Variants in OR2G3 observed in about 807,000 individuals in gnomAD.
The protein encoded by OR2G3 is olfactory receptor 2G3.
For synonymous variants in OR2G3, 154 were observed against 144.5 expected (o/e 1.07, Z -0.47); for missense variants, 375 against 364.4 (o/e 1.03, Z -0.24).
At position 247,605,974 on chromosome 1, in the gene OR2G3, T is replaced by C; in HGVS notation, c.389T>C (p.Leu130Pro). ...LDRYIAVCKP[L>P]HYVVIMNPRL... Reference sequence around the variant, plus strand: ...CGGTACATTGCTGTCTGCAAACCCCTCCACTATGTAGTCATCATGAACCCA... The same window carrying C: ...CGGTACATTGCTGTCTGCAAACCCCCCCACTATGTAGTCATCATGAACCCA... Residue 130 changes from leucine (L) to proline (P), a missense_variant, in exon 1 of 1, where the codon CTC (leucine) becomes CCC (proline). By Grantham distance (98) the Leu-to-Pro change is moderately conservative. Transcript: ENST00000320002. The C allele has an allele frequency of 6.2e-7, 1 of 1,614,150 alleles. No individual in the cohort carries two copies. The highest frequency in any genetic ancestry group is 8.5e-7 in the Non-Finnish European group (1 of 1,180,036).
chr1:247,605,903 A>T lies in OR2G3; in HGVS notation c.318A>T (p.Ala106=), dbSNP rs958748562. Residue 106 remains alanine (A), a synonymous_variant, in exon 1 of 1, where the codon GCA becomes GCT. Transcript: ENST00000320002. ...TGGCGCAACTCTATATTTCTCTGGC[A>T]CTGGGCTCCACTGAATGTATCCTCT... ...GCVAQLYISL[A]LGSTECILLA... 6 of 1,614,160 alleles carry T rather than the reference A, an allele frequency of 3.7e-6. No homozygotes were observed. In the Admixed American group the frequency reaches 1.0e-4, roughly 27 times the overall value.
rs776891159 is a variant in OR2G3 at position 247,605,953 on chromosome 1, A to G, written c.368A>G (p.Tyr123Cys). ...TTGGCTGACATGGCCTTGGATCGGTACATTGCTGTCTGCAAACCCCTCCAC... is the reference window on the plus strand; with the variant it reads ...TTGGCTGACATGGCCTTGGATCGGTGCATTGCTGTCTGCAAACCCCTCCAC... Reference protein sequence around the residue: ...ILLADMALDRYIAVCKPLHYV... With the variant: ...ILLADMALDRCIAVCKPLHYV... Residue 123 changes from tyrosine to cysteine, a missense_variant, in exon 1 of 1, where the codon TAC becomes TGC. Transcript: ENST00000320002. 11 of 1,614,036 alleles carry G rather than the reference A, an allele frequency of 6.8e-6. No homozygotes were observed. The highest frequency in any genetic ancestry group is 1.7e-5 in the Admixed American group (1 of 59,998).
In OR2G3 at chr1:247,606,049, G is replaced by T. The variant is rs1361424237; in HGVS notation, c.464G>T (p.Ser155Ile). ...ASISWLSGLASSLIHATFTLQ... is the reference protein window; with the variant it reads ...ASISWLSGLAISLIHATFTLQ... ...ATCTCCTGGCTCAGTGGTTTGGCTA[G>T]TTCCCTAATCCATGCAACTTTTACC... is the stretch of plus-strand genomic sequence containing the variant. Residue 155 changes from serine to isoleucine, a missense_variant, in exon 1 of 1, where the codon AGT becomes ATT. Coordinates refer to ENST00000320002, the MANE Select transcript of OR2G3 (RefSeq NM_001001914.1). 5 of 1,614,164 alleles carry T rather than the reference G, an allele frequency of 3.1e-6. No individual in the cohort carries two copies. Among genetic ancestry groups the T allele is most frequent in the Non-Finnish European group, 3.4e-6 (4 of 1,180,020 alleles).
At position 247,606,009 on chromosome 1, in the gene OR2G3, C is replaced by A; in HGVS notation, c.424C>A (p.Gln142Lys). 1.2e-6 allele frequency: 2 copies of A among 1,614,144 alleles called. No individual in the cohort carries two copies. The highest frequency in any genetic ancestry group is 8.5e-7 in the Non-Finnish European group (1 of 1,180,038). The change falls in exon 1 of 1, where the codon CAA (glutamine) becomes AAA (lysine). Residue 142 changes from glutamine to lysine, a missense_variant. Transcript: ENST00000320002. ...AGTCATCATGAACCCACGGCTTTGC[C>A]AACAGCTGGCATCTATCTCCTGGCT... ...YVVIMNPRLC[Q>K]QLASISWLSG...
chr1:247,606,342 G>A lies in OR2G3; in HGVS notation c.757G>A (p.Gly253Ser), dbSNP rs1669393075. The A allele has an allele frequency of 3.1e-6, 5 of 1,614,116 alleles. No individual in the cohort carries two copies. In the African/African-American group the frequency reaches 4.0e-5, roughly 13 times the overall value. The stretch of plus-strand genomic sequence containing the variant: ...CCTTACAGTGGTGATTATATTCTAT[G>A]GCACCATAATCTACGTGTACCTGCA... ...SHLTVVIIFYGTIIYVYLQPS... is the reference protein window; with the variant it reads ...SHLTVVIIFYSTIIYVYLQPS... Residue 253 changes from glycine (G) to serine (S), a missense_variant, in exon 1 of 1, where the codon GGC (glycine) becomes AGC (serine). Transcript: ENST00000320002.
chr1:247,606,405 A>G lies in OR2G3; in HGVS notation c.820A>G (p.Ile274Val), dbSNP rs758687288. The G allele has an allele frequency of 6.8e-6, 11 of 1,613,922 alleles. No homozygotes were observed. The highest frequency in any genetic ancestry group is 3.3e-5 in the Admixed American group (2 of 60,016). The change falls in exon 1 of 1, where the codon ATC becomes GTC. Residue 274 changes from isoleucine (I) to valine (V), a missense_variant. Physicochemically the swap from Ile to Val is conservative, Grantham distance 29 (BLOSUM62 3). Transcript: ENST00000320002. ...DSYAQDQGKF[I>V]SLFYTMVTPT... The stretch of plus-strand genomic sequence containing the variant: ...CTATGCCCAGGACCAAGGGAAGTTT[A>G]TCTCCCTCTTCTACACCATGGTGAC...
In OR2G3 at chr1:247,606,038, T is replaced by C. The variant is rs1409887637; in HGVS notation, c.453T>C (p.Ser151=). The change falls in exon 1 of 1, where the codon AGT becomes AGC. Residue 151 remains serine (S), a synonymous_variant. Coordinates refer to ENST00000320002, the MANE Select transcript of OR2G3 (RefSeq NM_001001914.1). Reference sequence around the variant, plus strand: ...AGCTGGCATCTATCTCCTGGCTCAGTGGTTTGGCTAGTTCCCTAATCCATG... The same window carrying C: ...AGCTGGCATCTATCTCCTGGCTCAGCGGTTTGGCTAGTTCCCTAATCCATG... ...CQQLASISWL[S]GLASSLIHAT... The C allele has an allele frequency of 6.2e-7, 1 of 1,614,058 alleles. No individual in the cohort carries two copies. Among genetic ancestry groups the C allele is most frequent in the Admixed American group, 1.7e-5 (1 of 60,002 alleles).
Position 247,606,183 on chromosome 1 carries a change from T to TTTG in OR2G3, c.604_606dup (p.Val202dup). On this transcript the variant is annotated inframe_insertion, in exon 1 of 1. Transcript: ENST00000320002. ...CACCACTGTCAATGAATTGGTGCTT[T>TTTG]TTGTTGTTAGTGTTCTGTTTGTTGT... 6.2e-7 allele frequency: 1 copy of TTTG among 1,614,192 alleles called. No individual in the cohort carries two copies. The highest frequency in any genetic ancestry group is 8.5e-7 in the Non-Finnish European group (1 of 1,180,036).
rs200577892 is a variant in OR2G3, at chr1:247,606,139, T to C, written c.554T>C (p.Leu185Pro). 36 of 1,614,106 alleles carry C rather than the reference T, an allele frequency of 2.2e-5. No individual in the cohort carries two copies. The highest frequency in any genetic ancestry group is 2.6e-5 in the Non-Finnish European group (31 of 1,180,046). ...DHFICEVPAL[L>P]KLACVDTTVN... ...TTTATTTGCGAAGTACCAGCTCTTC[T>C]CAAGTTGGCTTGTGTGGACACCACT... Residue 185 changes from leucine to proline, a missense_variant, in exon 1 of 1, where the codon CTC becomes CCC. Transcript: ENST00000320002.
chr1:247,606,413 C>T lies in OR2G3; in HGVS notation c.828C>T (p.Leu276=). 4 of 1,613,040 alleles carry T rather than the reference C, an allele frequency of 2.5e-6. No homozygotes were observed. The highest frequency in any genetic ancestry group is 2.7e-5 in the African/African-American group (2 of 75,000). ...AGGACCAAGGGAAGTTTATCTCCCT[C>T]TTCTACACCATGGTGACCCCCACTT... ...YAQDQGKFIS[L]FYTMVTPTLN... The change falls in exon 1 of 1, where the codon CTC becomes CTT. Residue 276 remains leucine, a synonymous_variant. Transcript: ENST00000320002.
Position 247,605,968 on chromosome 1 carries a change from A to G in OR2G3, c.383A>G (p.Lys128Arg). The change falls in exon 1 of 1, where the codon AAA becomes AGA. Residue 128 changes from lysine (K) to arginine (R), a missense_variant. By Grantham distance (26) the Lys-to-Arg change is conservative. Coordinates refer to ENST00000320002, the MANE Select transcript of OR2G3 (RefSeq NM_001001914.1). ...TTGGATCGGTACATTGCTGTCTGCA[A>G]ACCCCTCCACTATGTAGTCATCATG... ...MALDRYIAVC[K>R]PLHYVVIMNP... 3.1e-6 allele frequency: 5 copies of G among 1,614,164 alleles called. No individual in the cohort carries two copies. The highest frequency in any genetic ancestry group is 4.2e-6 in the Non-Finnish European group (5 of 1,180,020).
chr1:247,606,170 T>C lies in OR2G3; in HGVS notation c.585T>C (p.Asn195=). The change falls in exon 1 of 1, where the codon AAT becomes AAC. Residue 195 remains asparagine (N), a synonymous_variant. Coordinates refer to ENST00000320002, the MANE Select transcript of OR2G3 (RefSeq NM_001001914.1). ...TGGCTTGTGTGGACACCACTGTCAA[T>C]GAATTGGTGCTTTTTGTTGTTAGTG... ...LKLACVDTTV[N]ELVLFVVSVL... is the part of the protein sequence containing the mutation. The C allele has an allele frequency of 6.2e-7, 1 of 1,614,206 alleles. No individual in the cohort carries two copies. The highest frequency in any genetic ancestry group is 1.1e-5 in the South Asian group (1 of 91,078).
rs1669381169 is a variant in OR2G3, at chr1:247,605,880, G to A, written c.295G>A (p.Ala99Thr). 1.2e-6 allele frequency: 2 copies of A among 1,614,102 alleles called. No homozygotes were observed. The highest frequency in any genetic ancestry group is 2.2e-5 in the East Asian group (1 of 44,858). Residue 99 changes from alanine (A) to threonine (T), a missense_variant, in exon 1 of 1, where the codon GCG becomes ACG. Transcript: ENST00000320002. The stretch of plus-strand genomic sequence containing the variant: ...GACGATCACTTACGGTGGTTGTGTG[G>A]CGCAACTCTATATTTCTCTGGCACT... ...KKTITYGGCVAQLYISLALGS... is the reference protein window; with the variant it reads ...KKTITYGGCVTQLYISLALGS...
rs532260291 is a variant in OR2G3, at chr1:247,605,749, T to C, written c.164T>C (p.Leu55Pro). 6.2e-7 allele frequency: 1 copy of C among 1,614,170 alleles called. No homozygotes were observed. Among genetic ancestry groups the C allele is most frequent in the Non-Finnish European group, 8.5e-7 (1 of 1,180,006 alleles). Residue 55 changes from leucine to proline, a missense_variant, in exon 1 of 1, where the codon CTT (leucine) becomes CCT (proline). Transcript: ENST00000320002. ...ATCATCTCATATCTGGATCCCCCTC[T>C]TCATACCCCAATGTACTTTTTTCTC... Reference protein sequence around the residue: ...IIIISYLDPPLHTPMYFFLSN... With the variant: ...IIIISYLDPPPHTPMYFFLSN...
At position 247,605,738 on chromosome 1, in the gene OR2G3, G is replaced by C. The variant is rs367932307; in HGVS notation, c.153G>C (p.Leu51=). ...TCACCATAATCATCATCTCATATCT[G>C]GATCCCCCTCTTCATACCCCAATGT... ...GNFTIIIISY[L]DPPLHTPMYF... The change falls in exon 1 of 1, where the codon CTG becomes CTC. Residue 51 remains leucine, a synonymous_variant. Transcript: ENST00000320002. 6.2e-7 allele frequency: 1 copy of C among 1,613,916 alleles called. No individual in the cohort carries two copies. The highest frequency in any genetic ancestry group is 8.5e-7 in the Non-Finnish European group (1 of 1,179,940).
rs1309394516 is a variant in OR2G3 at position 247,606,424 on chromosome 1, T to C, written c.839T>C (p.Met280Thr). Reference sequence around the variant, plus strand: ...AAGTTTATCTCCCTCTTCTACACCATGGTGACCCCCACTTTAAATCCTATC... The same window carrying C: ...AAGTTTATCTCCCTCTTCTACACCACGGTGACCCCCACTTTAAATCCTATC... ...QGKFISLFYT[M>T]VTPTLNPIIY... Residue 280 changes from methionine to threonine, a missense_variant, in exon 1 of 1, where the codon ATG (methionine) becomes ACG (threonine). By Grantham distance (81) the Met-to-Thr change is moderately conservative. Coordinates refer to ENST00000320002, the MANE Select transcript of OR2G3 (RefSeq NM_001001914.1). 1.2e-6 allele frequency: 2 copies of C among 1,613,566 alleles called. No homozygotes were observed. The highest frequency in any genetic ancestry group is 1.3e-5 in the African/African-American group (1 of 74,916).
chr1:247,606,452 CTATACT>C lies in OR2G3; in HGVS notation c.869_874del (p.Tyr290_Thr291del). On this transcript the variant is annotated inframe_deletion, in exon 1 of 1. Transcript: ENST00000320002. ...TGACCCCCACTTTAAATCCTATCAT[CTATACT>C]TTAAGGAACAAGGATATGAAAGAGG... The C allele has an allele frequency of 6.2e-7, 1 of 1,613,358 alleles. No homozygotes were observed. The highest frequency in any genetic ancestry group is 1.1e-5 in the South Asian group (1 of 91,058).
rs756748929 is a variant in OR2G3 at position 247,606,295 on chromosome 1, C to A, written c.710C>A (p.Ala237Asp). 1.5e-5 allele frequency: 24 copies of A among 1,613,826 alleles called. No individual in the cohort carries two copies. The highest frequency in any genetic ancestry group is 2.7e-5 in the African/African-American group (2 of 74,900). The change falls in exon 1 of 1, where the codon GCC (alanine) becomes GAC (aspartate). Residue 237 changes from alanine to aspartate, a missense_variant. Physicochemically the swap from Ala to Asp is moderately radical, Grantham distance 126. Coordinates refer to ENST00000320002, the MANE Select transcript of OR2G3 (RefSeq NM_001001914.1). ...AAATCAGTAGAGGCAAGGCACAAAGCCTTCAGCACCTGCTCCTCCCACCTT... is the reference window on the plus strand; with the variant it reads ...AAATCAGTAGAGGCAAGGCACAAAGACTTCAGCACCTGCTCCTCCCACCTT... ...RIKSVEARHK[A>D]FSTCSSHLTV...
Position 247,606,465 on chromosome 1 carries a change from A to T in OR2G3, c.880A>T (p.Asn294Tyr). 6.2e-7 allele frequency: 1 copy of T among 1,612,930 alleles called. No homozygotes were observed. The highest frequency in any genetic ancestry group is 8.5e-7 in the Non-Finnish European group (1 of 1,179,438). The change falls in exon 1 of 1, where the codon AAC becomes TAC. Residue 294 changes from asparagine (N) to tyrosine (Y), a missense_variant. Transcript: ENST00000320002. ...TLNPIIYTLRNKDMKEALRKL... is the reference protein window; with the variant it reads ...TLNPIIYTLRYKDMKEALRKL... ...AAATCCTATCATCTATACTTTAAGG[A>T]ACAAGGATATGAAAGAGGCTCTGAG...
Sources: allele counts gnomAD v4.1 joint callset, GRCh38; gene constraint gnomAD v4.1.1; transcripts MANE v1.5; gene names NCBI Gene and HGNC (gene_info 2026-07-23, HGNC 2026-07-21).